Variants in CNGB3 observed in about 807,000 individuals in gnomAD.
The protein encoded by CNGB3 is cyclic nucleotide gated channel subunit beta 3.
A neutral mutation model predicts 92.8 loss-of-function variants in CNGB3; 86 were observed. The observed-to-expected ratio is 0.93, with a 90% CI of 0.78 to 1.11. CNGB3 has a LOEUF of 1.11. Ranked by LOEUF, CNGB3 falls within the 50% of genes least tolerant of loss-of-function variation. The probability of loss-of-function intolerance (pLI) is 0.00; values close to 1 mark genes in which losing one functional copy is unlikely to be tolerated. For synonymous variants in CNGB3, 333 were observed against 332.7 expected (o/e 1.00, Z -0.01); for missense variants, 1,026 against 956.8 (o/e 1.07, Z -0.95).
chr8:86,692,552 T>C (rs1469048300), intron 3 of CNGB3, among the ~76,000 whole-genome samples: 1 of 152,346 alleles, frequency 6.6e-6, no homozygotes, highest in African/African-American at 2.4e-5. Context: ...CTACTCCTGG[T>C]TGCCTTTGTT....
intron 15 of CNGB3, among the ~76,000 whole-genome samples, chr8:86,602,894 G>GT (rs1822335803): frequency 1.3e-5 from 2 of 152,110 alleles, no homozygotes; most frequent in Non-Finnish European, 1.5e-5. Flanking sequence ...CTATCATGGC[G>GT]TAAAAGACCA....
At chr8:86,635,517 T>G (rs2131587576) in intron 10 of CNGB3, among the ~76,000 whole-genome samples, 1 of 150,250 alleles carries the variant, frequency 6.7e-6, no homozygotes, top group East Asian at 2.0e-4. Context: ...TGAACAATTT[T>G]TTTTATATTA....
intron 15 of CNGB3, among the ~76,000 whole-genome samples, chr8:86,583,126 C>T (rs1284477974): frequency 6.6e-6 from 1 of 152,082 alleles, no homozygotes; most frequent in Non-Finnish European, 1.5e-5. Flanking sequence ...GTCTCGAACT[C>T]TTGACCTCAG....
rs962328432 is a variant in CNGB3 at position 86,694,866 on chromosome 8, G to A, written c.339-23768C>T. Among the ~76,000 whole-genome samples the A allele has an allele frequency of 3.3e-5, 5 of 152,042 alleles. 1 individual carries two copies. The highest frequency in any genetic ancestry group is 5.9e-5 in the Non-Finnish European group (4 of 67,994). On this transcript the variant is annotated intron_variant, in intron 3 of 17. Transcript: ENST00000320005. Reference sequence around the variant, plus strand: ...TCACGTCCCAGACGATGGGCGGCCAGGCAGAGACTCTCCTCACTTCCCAGA... The same window carrying A: ...TCACGTCCCAGACGATGGGCGGCCAAGCAGAGACTCTCCTCACTTCCCAGA...
chr8:86,587,550 A>G (rs1364355047), intron 15 of CNGB3, among the ~76,000 whole-genome samples: 2 of 152,068 alleles, frequency 1.3e-5, no homozygotes, highest in East Asian at 3.9e-4. Context: ...TCAGCTTTCT[A>G]CATATGGCTA....
chr8:86,736,904 TA>T (rs1336727500), intron 2 of CNGB3, among the ~76,000 whole-genome samples: 2 of 152,196 alleles, frequency 1.3e-5, no homozygotes, highest in Non-Finnish European at 2.9e-5. Flanking sequence ...CCTAAATATT[TA>T]AAATCACATA....
At chr8:86,685,716 C>T (rs1824174148) in intron 3 of CNGB3, among the ~76,000 whole-genome samples, 1 of 152,006 alleles carries the variant, frequency 6.6e-6, no homozygotes, top group South Asian at 2.1e-4. Flanking sequence ...CAAATTATGA[C>T]TGAGCTAACA....
At chr8:86,722,689 G>T (rs2131668545) in intron 3 of CNGB3, among the ~76,000 whole-genome samples, 1 of 152,272 alleles carries the variant, frequency 6.6e-6, no homozygotes, top group Non-Finnish European at 1.5e-5. Flanking sequence ...CCTACATAGA[G>T]CAAAGAAGCT....
chr8:86,725,522 T>C (rs1825045495), intron 3 of CNGB3, among the ~76,000 whole-genome samples: 1 of 152,148 alleles, frequency 6.6e-6, no homozygotes, highest in Non-Finnish European at 1.5e-5. Flanking sequence ...TCAAATAACA[T>C]TGTGTTTATG....
intron 3 of CNGB3, 57 bp from the exon 4 acceptor site, chr8:86,671,155 G>A: frequency 1.3e-6 from 2 of 1,578,592 alleles, no homozygotes; most frequent in South Asian, 1.1e-5. Context: ...AGATATAAGG[G>A]AAAGATTAAA....
rs573828452 is a variant in CNGB3 at position 86,642,502 on chromosome 8, C to T, written c.1178+1249G>A. On this transcript the variant is annotated intron_variant, in intron 10 of 17. Coordinates refer to ENST00000320005, the MANE Select transcript of CNGB3 (RefSeq NM_019098.5). ...GTTATAATCCCTTATACATATCCAA[C>T]TCACTCTAGGTAGTATGTAATTTTG... is the stretch of plus-strand genomic sequence containing the variant. Among the ~76,000 whole-genome samples the T allele has an allele frequency of 4.9e-4, 74 of 151,742 alleles. 1 individual carries two copies. In the South Asian group the frequency reaches 0.015, roughly 31 times the overall value.
chr8:86,667,200 A>T, intron 5 of CNGB3, 67 bp from the exon 6 acceptor site: 2 of 1,426,208 alleles, frequency 1.4e-6, no homozygotes, highest in South Asian at 1.2e-5. Context: ...TCTGTTGCTT[A>T]GTTTGGGGAG....
At chr8:86,721,153 A>G (rs980317872) in intron 3 of CNGB3, among the ~76,000 whole-genome samples, 1 of 151,748 alleles carries the variant, frequency 6.6e-6, no homozygotes, top group African/African-American at 2.4e-5. Context: ...TTTAGTAGAG[A>G]TGGGGTTTCA....
chr8:86,593,484 A>T (rs955807688), intron 15 of CNGB3, among the ~76,000 whole-genome samples: 38 of 152,310 alleles, frequency 2.5e-4, no homozygotes, highest in Admixed American at 1.8e-3. Flanking sequence ...AGTTTTTTTT[A>T]AAAGTAAATC....
intron 3 of CNGB3, among the ~76,000 whole-genome samples, chr8:86,711,831 C>A (rs1824756702): frequency 1.6e-5 from 2 of 125,124 alleles, no homozygotes; most frequent in African/African-American, 5.9e-5. Flanking sequence ...CTCTCTCTCT[C>A]TCTCTATATA....
chr8:86,624,410 C>T (rs1490179610), intron 13 of CNGB3, among the ~76,000 whole-genome samples: 1 of 152,188 alleles, frequency 6.6e-6, no homozygotes, highest in African/African-American at 2.4e-5. Flanking sequence ...CAGAGCAAGA[C>T]TCTGTCTCTA....
intron 13 of CNGB3, among the ~76,000 whole-genome samples, chr8:86,616,478 T>A (rs1228722812): frequency 6.6e-6 from 1 of 152,152 alleles, no homozygotes; most frequent in African/African-American, 2.4e-5. Context: ...AGAAAATGAT[T>A]ATTTTCTTGA....
intron 10 of CNGB3, among the ~76,000 whole-genome samples, chr8:86,643,427 TC>T (rs1823230755): frequency 6.6e-6 from 1 of 151,248 alleles, no homozygotes; most frequent in African/African-American, 2.4e-5. Context: ...TATGCGCTCC[TC>T]TCCCCACCAC....
chr8:86,632,654 CCAGA>C lies in CNGB3; in HGVS notation c.1320+94_1320+97del, dbSNP rs1822984382. 6 of 1,279,586 alleles carry C rather than the reference CCAGA, an allele frequency of 4.7e-6. No individual in the cohort carries two copies. In the South Asian group the frequency reaches 7.8e-5, roughly 17 times the overall value. 79.3% of individuals were successfully genotyped at this position (1,279,586 alleles called of 1,614,324 possible). ...GAAAGTTAGTTCAAAAAAAGAAGAA[CCAGA>C]CAGATTTTAATTTTTCCTCCATAAA... On this transcript the variant is annotated intron_variant, in intron 11 of 17. Coordinates refer to ENST00000320005, the MANE Select transcript of CNGB3 (RefSeq NM_019098.5).
Sources: gnomAD v4.1 joint callset for allele counts (sites outside exome capture counted in the v4.1 genomes callset) on GRCh38, gnomAD v4.1.1 for gene constraint, MANE v1.5 for transcripts, NCBI Gene and HGNC (gene_info 2026-07-23, HGNC 2026-07-21) for gene names.